ATRNL1: variants seen among roughly 807,000 people sequenced by gnomAD.
ATRNL1 encodes attractin-like protein 1.
ATRNL1 carries 95 observed loss-of-function variants against 182.7 expected under a neutral mutation model. That is an observed-to-expected ratio of 0.52 (90% confidence interval 0.44 to 0.62). The LOEUF (loss-of-function observed/expected upper bound fraction) is 0.62. Among genes scored for constraint, ATRNL1 ranks in the 20% least tolerant of loss-of-function variants. The pLI is 0.00. For missense variants in ATRNL1, 1,471 were observed against 1,679.5 expected, an observed-to-expected ratio of 0.88 and a Z score of 2.17; for synonymous variants, 576 against 568.3, an observed-to-expected ratio of 1.01 and a Z score of -0.19.
At chr10:115,736,868 G>A (rs12767442) in intron 27 of ATRNL1, among the ~76,000 whole-genome samples, 143,973 of 152,018 alleles carry the variant, frequency 0.95, 68,655 homozygotes, top group East Asian at 1. Flanking sequence ...CGCAGGTTCA[G>A]GTGATTCTCC....
chr10:115,370,440 G>T (rs1857333214), intron 19 of ATRNL1, among the ~76,000 whole-genome samples: 1 of 152,196 alleles, frequency 6.6e-6, no homozygotes, highest in Non-Finnish European at 1.5e-5. Context: ...TGCTGATAAT[G>T]ATATGGACAA....
intron 25 of ATRNL1, among the ~76,000 whole-genome samples, chr10:115,519,951 AG>A (rs1182008623): frequency 1.2e-4 from 18 of 152,194 alleles, no homozygotes; most frequent in African/African-American, 3.6e-4. Context: ...GTAAATGTAG[AG>A]ACTCTGGGTT....
chr10:115,111,690 C>T lies in ATRNL1; in HGVS notation c.294-8495C>T, dbSNP rs149719747. Among the ~76,000 whole-genome samples, 608 of 152,236 alleles carry T rather than the reference C, an allele frequency of 4.0e-3. 2 individuals carry two copies. The highest frequency in any genetic ancestry group is 0.013 in the African/African-American group (526 of 41,522). ...CCAAACTCTTCTCAGTAGGCCTCAC[C>T]TCTGACATTAGGGATCAAATTTCAG... is the stretch of plus-strand genomic sequence containing the variant. On this transcript the variant is annotated intron_variant, in intron 1 of 28. Coordinates refer to ENST00000355044, the MANE Select transcript of ATRNL1 (RefSeq NM_207303.4).
intron 3 of ATRNL1, among the ~76,000 whole-genome samples, chr10:115,124,041 A>T (rs1277343917): frequency 3.3e-5 from 5 of 152,086 alleles, no homozygotes; most frequent in African/African-American, 4.8e-5. Context: ...TTACAATGTA[A>T]TAATAATAGA....
chr10:115,918,048 C>T (rs146351105), intron 28 of ATRNL1, among the ~76,000 whole-genome samples: 108 of 150,470 alleles, frequency 7.2e-4, no homozygotes, highest in African/African-American at 2.5e-3. Context: ...AAAAAAAAAT[C>T]TCAGATTTGT....
chr10:115,680,985 A>G (rs532198175), intron 26 of ATRNL1, among the ~76,000 whole-genome samples: 70 of 152,240 alleles, frequency 4.6e-4, no homozygotes, highest in South Asian at 1.9e-3. Context: ...ATTTATACCT[A>G]TAGTGTATCC....
chr10:115,670,736 G>C (rs1195835634), intron 26 of ATRNL1, among the ~76,000 whole-genome samples: 1 of 152,086 alleles, frequency 6.6e-6, no homozygotes, highest in African/African-American at 2.4e-5. Context: ...ATTTCTTTAA[G>C]AGGGAGAAGG....
At chr10:115,754,587 T>C (rs917966528) in intron 27 of ATRNL1, among the ~76,000 whole-genome samples, 54 of 152,316 alleles carry the variant, frequency 3.5e-4, no homozygotes, top group African/African-American at 1.3e-3. Context: ...TAGTGTAGTT[T>C]GAAGTCAGGT....
At position 115,612,779 on chromosome 10, in the gene ATRNL1, G is replaced by A. The variant is rs374663377; in HGVS notation, c.3795+63243G>A. Among the ~76,000 whole-genome samples the A allele has an allele frequency of 5.3e-5, 8 of 152,282 alleles. 1 individual carries two copies. The highest frequency in any genetic ancestry group is 1.9e-4 in the African/African-American group (8 of 41,568). On this transcript the variant is annotated intron_variant, in intron 26 of 28. Transcript: ENST00000355044. Reference sequence around the variant, plus strand: ...GTTCTTATCATAGGCATGTGCGCATGAGGGCCCTCCCTTCCTAACCTACCA... The same window carrying A: ...GTTCTTATCATAGGCATGTGCGCATAAGGGCCCTCCCTTCCTAACCTACCA...
chr10:115,741,818 C>T (rs567930629), intron 27 of ATRNL1, among the ~76,000 whole-genome samples: 43 of 152,106 alleles, frequency 2.8e-4, no homozygotes, highest in Non-Finnish European at 4.6e-4. Flanking sequence ...TACTTGAACT[C>T]ATGGGAGTGA....
chr10:115,724,337 G>T (rs1947529011), intron 26 of ATRNL1, among the ~76,000 whole-genome samples: 1 of 152,052 alleles, frequency 6.6e-6, no homozygotes, highest in Non-Finnish European at 1.5e-5. Context: ...TGTTAAAAGG[G>T]AGACTAGTAG....
chr10:115,608,083 T>G (rs978798628), intron 26 of ATRNL1, among the ~76,000 whole-genome samples: 2 of 152,012 alleles, frequency 1.3e-5, no homozygotes, highest in Non-Finnish European at 2.9e-5. Context: ...GCAATGCCTT[T>G]CCAATTACAG....
At position 115,241,623 on chromosome 10, in the gene ATRNL1, A is replaced by G; in HGVS notation, c.1585A>G (p.Ile529Val). The part of the protein sequence containing the change: ...FARYLHSAVL[I>V]NGAMLIFGGN... ...CAGATACCTTCATTCAGCTGTTCTT[A>G]TCAATGGAGCTATGCTTATTTTTGG... Residue 529 changes from isoleucine to valine, a missense_variant, in exon 10 of 29, where the codon ATC becomes GTC. Physicochemically the swap from Ile to Val is conservative, Grantham distance 29. Coordinates refer to ENST00000355044, the MANE Select transcript of ATRNL1 (RefSeq NM_207303.4). 1 of 1,612,356 alleles carries G rather than the reference A, an allele frequency of 6.2e-7. No homozygotes were observed. Among genetic ancestry groups the G allele is most frequent in the Non-Finnish European group, 8.5e-7 (1 of 1,178,822 alleles).
At chr10:115,362,553 G>A (rs545797936) in intron 19 of ATRNL1, among the ~76,000 whole-genome samples, 331 of 151,210 alleles carry the variant, frequency 2.2e-3, no homozygotes, top group African/African-American at 7.5e-3. Context: ...AAGTTTTAGG[G>A]TACATGTGCA....
At chr10:115,488,965 T>C (rs4644580) in intron 24 of ATRNL1, among the ~76,000 whole-genome samples, 63,927 of 151,878 alleles carry the variant, frequency 0.42, 14,206 homozygotes, top group Middle Eastern at 0.5. Context: ...TTTCTTTCTA[T>C]CTTAATTTTG....
chr10:115,112,523 T>C (rs1280910382), intron 1 of ATRNL1, among the ~76,000 whole-genome samples: 2 of 152,182 alleles, frequency 1.3e-5, no homozygotes, highest in African/African-American at 4.8e-5. Context: ...AGACATTGGT[T>C]TGAAAAGGGC....
intron 24 of ATRNL1, among the ~76,000 whole-genome samples, chr10:115,496,882 T>G (rs1554978463): frequency 6.6e-6 from 1 of 152,126 alleles, no homozygotes; most frequent in Non-Finnish European, 1.5e-5. Context: ...AGGGATGGTC[T>G]TCTTGTGAGG....
intron 28 of ATRNL1, among the ~76,000 whole-genome samples, chr10:115,940,447 C>T (rs1589721117): frequency 6.6e-6 from 1 of 152,144 alleles, no homozygotes; most frequent in African/African-American, 2.4e-5. Flanking sequence ...AGCTCGGTTT[C>T]CTGAGCACGT....
chr10:115,287,829 A>G (rs899543398), intron 15 of ATRNL1, among the ~76,000 whole-genome samples: 2 of 151,782 alleles, frequency 1.3e-5, no homozygotes, highest in African/African-American at 4.8e-5. Context: ...GTAATTTTCA[A>G]TCCTTTAATA....
Sources: allele counts gnomAD v4.1 joint callset (sites outside exome capture counted in the v4.1 genomes callset), GRCh38; gene constraint gnomAD v4.1.1; transcripts MANE v1.5; gene names NCBI Gene and HGNC (gene_info 2026-07-23, HGNC 2026-07-21).